The following ASIC2 variants were observed in gnomAD, a reference collection of about 807,000 sequenced individuals.
The protein encoded by ASIC2 is acid-sensing ion channel 2.
A neutral mutation model predicts 57.3 loss-of-function variants in ASIC2; 25 were observed. The observed-to-expected ratio is 0.44, with a 90% CI of 0.32 to 0.61. The LOEUF (loss-of-function observed/expected upper bound fraction) is 0.61, where lower values mean the gene tolerates loss of function less well. Among genes scored for constraint, ASIC2 ranks in the 20% least tolerant of loss-of-function variants. The pLI is 0.06. For synonymous variants in ASIC2, 319 were observed against 307.5 expected (o/e 1.04, Z -0.39); for missense variants, 641 against 738.1 (o/e 0.87, Z 1.52).
At chr17:33,392,588 A>G (rs1023201356) in intron 1 of ASIC2, among the ~76,000 whole-genome samples, 12 of 151,918 alleles carry the variant, frequency 7.9e-5, no homozygotes, top group Non-Finnish European at 1.5e-4. Context: ...ATCAGTATGC[A>G]TCTCCTCCCC....
chr17:34,110,196 C>T (rs1461192966), intron 1 of ASIC2, among the ~76,000 whole-genome samples: 1 of 152,184 alleles, frequency 6.6e-6, no homozygotes, highest in African/African-American at 2.4e-5. Flanking sequence ...AGTCCCCAGT[C>T]TTGCCTATCT....
intron 1 of ASIC2, among the ~76,000 whole-genome samples, chr17:33,972,884 GA>G (rs1905262724): frequency 6.6e-6 from 1 of 152,254 alleles, no homozygotes. Flanking sequence ...TGCAAATGCA[GA>G]CAAACCTTGC....
chr17:33,746,501 CAT>C (rs997326906), intron 1 of ASIC2, among the ~76,000 whole-genome samples: 23 of 150,216 alleles, frequency 1.5e-4, no homozygotes, highest in East Asian at 6.0e-4. Flanking sequence ...TGTATATATA[CAT>C]ATATGTGTGT....
At chr17:33,638,028 G>A (rs531759863) in intron 1 of ASIC2, among the ~76,000 whole-genome samples, 9 of 152,260 alleles carry the variant, frequency 5.9e-5, no homozygotes, top group Non-Finnish European at 1.0e-4. Flanking sequence ...GTTGAGTTAT[G>A]AGTCAAAAGT....
At chr17:33,588,443 A>T (rs948442853) in intron 1 of ASIC2, among the ~76,000 whole-genome samples, 4 of 152,162 alleles carry the variant, frequency 2.6e-5, no homozygotes, top group African/African-American at 9.7e-5. Context: ...GGGATTGGCC[A>T]CACACTTTGT....
At chr17:33,520,702 G>C (rs1914715271) in intron 1 of ASIC2, among the ~76,000 whole-genome samples, 1 of 152,244 alleles carries the variant, frequency 6.6e-6, no homozygotes, top group Non-Finnish European at 1.5e-5. Context: ...AGGAGCAAGT[G>C]AGCGGCCCCA....
chr17:33,050,167 T>G (rs913051745), intron 3 of ASIC2, among the ~76,000 whole-genome samples: 1 of 152,142 alleles, frequency 6.6e-6, no homozygotes, highest in African/African-American at 2.4e-5. Flanking sequence ...GAGGTTTTCT[T>G]TATACCTGAA....
chr17:33,233,555 CACAT>C (rs1031369091), intron 1 of ASIC2, among the ~76,000 whole-genome samples: 19 of 120,136 alleles, frequency 1.6e-4, no homozygotes, highest in Admixed American at 7.4e-4. Flanking sequence ...CACACACACA[CACAT>C]GGCATAAGCA....
At chr17:33,530,395 G>A (rs138941401) in intron 1 of ASIC2, among the ~76,000 whole-genome samples, 3,599 of 152,364 alleles carry the variant, frequency 0.024, 64 homozygotes, top group Non-Finnish European at 0.036. Context: ...AAAAGAGAGA[G>A]AGGTCAGTCC....
chr17:33,766,902 G>A (rs1274904493), intron 1 of ASIC2, among the ~76,000 whole-genome samples: 1 of 152,152 alleles, frequency 6.6e-6, no homozygotes, highest in Admixed American at 6.5e-5. Context: ...TTTTGATGGC[G>A]ATAAACTCTA....
chr17:33,468,413 A>G (rs1408532201), intron 1 of ASIC2, among the ~76,000 whole-genome samples: 1 of 152,218 alleles, frequency 6.6e-6, no homozygotes, highest in Non-Finnish European at 1.5e-5. Flanking sequence ...TTAAATAAAA[A>G]TTAGCTCCTT....
chr17:33,213,949 T>C (rs554056049), intron 1 of ASIC2, among the ~76,000 whole-genome samples: 4 of 152,202 alleles, frequency 2.6e-5, no homozygotes, highest in Admixed American at 2.0e-4. Flanking sequence ...CAGAGGTGAG[T>C]GTGCTGCTGT....
intron 1 of ASIC2, among the ~76,000 whole-genome samples, chr17:33,350,097 G>A (rs996445432): frequency 1.3e-5 from 2 of 152,154 alleles, no homozygotes; most frequent in African/African-American, 2.4e-5. Context: ...CTTCACAGTC[G>A]GTGGAGACCC....
At chr17:33,413,266 A>G (rs1910726451) in intron 1 of ASIC2, among the ~76,000 whole-genome samples, 1 of 152,238 alleles carries the variant, frequency 6.6e-6, no homozygotes, top group African/African-American at 2.4e-5. Context: ...AAATTCATTC[A>G]TTAATGGCCC....
chr17:33,488,117 A>G (rs1913633631), intron 1 of ASIC2, among the ~76,000 whole-genome samples: 1 of 152,070 alleles, frequency 6.6e-6, no homozygotes, highest in African/African-American at 2.4e-5. Flanking sequence ...AAATGCATCT[A>G]TTTTTCTACA....
At chr17:33,743,512 G>A (rs983084503) in intron 1 of ASIC2, among the ~76,000 whole-genome samples, 1 of 152,226 alleles carries the variant, frequency 6.6e-6, no homozygotes, top group Non-Finnish European at 1.5e-5. Flanking sequence ...TTTCTATGAG[G>A]ATATTTTTGG....
intron 1 of ASIC2, among the ~76,000 whole-genome samples, chr17:33,861,467 T>C (rs888889865): frequency 2.6e-5 from 4 of 152,214 alleles, no homozygotes; most frequent in African/African-American, 9.6e-5. Context: ...TTATTCCCAT[T>C]CTAAACATGA....
At chr17:33,507,614 T>C (rs1013006575) in intron 1 of ASIC2, among the ~76,000 whole-genome samples, 2 of 152,056 alleles carry the variant, frequency 1.3e-5, no homozygotes, top group Non-Finnish European at 2.9e-5. Flanking sequence ...CCTTTAAAAA[T>C]ATAAAATGGC....
intron 1 of ASIC2, among the ~76,000 whole-genome samples, chr17:34,028,427 C>T (rs1049667121): frequency 6.6e-6 from 1 of 152,118 alleles, no homozygotes; most frequent in Non-Finnish European, 1.5e-5. Flanking sequence ...ATATTAGTTG[C>T]TATGGTTGAC....
Sources: allele counts gnomAD v4.1 joint callset (sites outside exome capture counted in the v4.1 genomes callset), GRCh38; gene constraint gnomAD v4.1.1; transcripts MANE v1.5; gene names NCBI Gene and HGNC (gene_info 2026-07-23, HGNC 2026-07-21).